Variants in APBA2 observed in about 807,000 individuals in gnomAD.
The protein encoded by APBA2 is amyloid-beta A4 precursor protein-binding family A member 2.
In APBA2, 30 loss-of-function variants were observed where a neutral mutation model predicts 75.0. The ratio of observed to expected loss-of-function variants is 0.40; its 90% CI spans 0.30 to 0.54. APBA2 has a LOEUF of 0.54. Among genes scored for constraint, APBA2 ranks in the 20% least tolerant of loss-of-function variants. The pLI is 0.49. For synonymous variants in APBA2, 444 were observed against 409.6 expected, an observed-to-expected ratio of 1.08 and a Z score of -1.01; for missense variants, 801 against 1,016.1, an observed-to-expected ratio of 0.79 and a Z score of 2.88.
chr15:28,939,560 C>CT lies in APBA2; in HGVS notation c.-95+17817dup, dbSNP rs1286467937. ...TTTGTTTTTCTTTTCTTTCTTCTTC[C>CT]TTTTTTAAATGGTACTATCCCAACA... On this transcript the variant is annotated intron_variant, in intron 2 of 14. Transcript: ENST00000683413. Among the ~76,000 whole-genome samples, 24 of 152,238 alleles carry CT rather than the reference C, an allele frequency of 1.6e-4. No homozygotes were observed. In the East Asian group the frequency reaches 3.3e-3, roughly 21 times the overall value.
intron 2 of APBA2, among the ~76,000 whole-genome samples, chr15:28,925,931 C>T (rs572356005): frequency 6.6e-6 from 1 of 152,108 alleles, no homozygotes; most frequent in African/African-American, 2.4e-5. Context: ...GTAATGTCGC[C>T]TCTTTATCCC....
intron 6 of APBA2, among the ~76,000 whole-genome samples, chr15:29,082,832 G>T (rs986783804): frequency 2.0e-5 from 3 of 152,060 alleles, no homozygotes; most frequent in Non-Finnish European, 4.4e-5. Context: ...AGGCCAAGGT[G>T]GGCAGGTCAC....
At chr15:28,967,754 A>G (rs573497921) in intron 2 of APBA2, among the ~76,000 whole-genome samples, 15 of 152,232 alleles carry the variant, frequency 9.9e-5, no homozygotes, top group African/African-American at 3.6e-4. Flanking sequence ...TTTATTTTTA[A>G]AATGTATTTT....
intron 2 of APBA2, among the ~76,000 whole-genome samples, chr15:28,952,224 G>A (rs1225262164): frequency 6.6e-6 from 1 of 152,024 alleles, no homozygotes; most frequent in Admixed American, 6.6e-5. Flanking sequence ...AAAAAGACTT[G>A]GAAGGCTTAA....
chr15:28,924,019 C>T (rs1191383896), intron 2 of APBA2, among the ~76,000 whole-genome samples: 2 of 152,178 alleles, frequency 1.3e-5, no homozygotes, highest in Non-Finnish European at 2.9e-5. Context: ...CCTCTAAAAG[C>T]CAGCGGTCAA....
intron 3 of APBA2, among the ~76,000 whole-genome samples, chr15:29,033,689 G>A (rs1013204546): frequency 6.6e-6 from 1 of 152,132 alleles, no homozygotes; most frequent in Non-Finnish European, 1.5e-5. Context: ...GGCTGGGCGC[G>A]GTGGCTCACG....
chr15:28,889,393 T>C (rs1238794166), intron 1 of APBA2, among the ~76,000 whole-genome samples: 2 of 152,248 alleles, frequency 1.3e-5, no homozygotes, highest in Non-Finnish European at 2.9e-5. Context: ...GGTTGGGGGC[T>C]GTGGGGTACT....
intron 1 of APBA2, among the ~76,000 whole-genome samples, chr15:28,903,893 G>C (rs928817365): frequency 2.0e-5 from 3 of 152,138 alleles, no homozygotes; most frequent in African/African-American, 7.2e-5. Flanking sequence ...ACTTGTCCCT[G>C]AGGAGGGACA....
chr15:29,016,575 A>G (rs2039673616), intron 3 of APBA2, among the ~76,000 whole-genome samples: 1 of 152,196 alleles, frequency 6.6e-6, no homozygotes. Context: ...CTGGATTATT[A>G]GGAGGGAAGG....
At chr15:28,893,479 A>G (rs1342947034) in intron 1 of APBA2, among the ~76,000 whole-genome samples, 6 of 152,172 alleles carry the variant, frequency 3.9e-5, no homozygotes, top group Non-Finnish European at 4.4e-5. Context: ...CCTGACTGCT[A>G]GATTCTGAGC....
chr15:29,086,176 G>A (rs909752156), intron 6 of APBA2, among the ~76,000 whole-genome samples: 4 of 152,190 alleles, frequency 2.6e-5, no homozygotes, highest in Non-Finnish European at 5.9e-5. Context: ...AGAGGCCCAC[G>A]TGGCACAGGA....
intron 4 of APBA2, among the ~76,000 whole-genome samples, chr15:29,061,186 G>C (rs1487261833): frequency 6.6e-6 from 1 of 152,174 alleles, no homozygotes; most frequent in Non-Finnish European, 1.5e-5. Context: ...GAACATAAAG[G>C]GTTTGGCGAG....
intron 13 of APBA2, among the ~76,000 whole-genome samples, chr15:29,109,400 C>T (rs1376678924): frequency 6.6e-6 from 1 of 152,094 alleles, no homozygotes; most frequent in African/African-American, 2.4e-5. Flanking sequence ...ATACTGAGAG[C>T]TTATTGCTTA....
intron 2 of APBA2, among the ~76,000 whole-genome samples, chr15:28,952,008 C>T (rs1025240630): frequency 6.6e-6 from 1 of 151,618 alleles, no homozygotes; most frequent in Non-Finnish European, 1.5e-5. Context: ...CTTGCCTCAG[C>T]CTCCTGAGTA....
intron 1 of APBA2, among the ~76,000 whole-genome samples, chr15:28,917,628 G>A (rs1488176468): frequency 6.6e-6 from 1 of 151,932 alleles, no homozygotes; most frequent in African/African-American, 2.4e-5. Context: ...CATTGGTGTG[G>A]TACATTCGTT....
rs1456280189 is a variant in APBA2, at chr15:29,078,946, A to G, written c.1069+2855A>G. Among the ~76,000 whole-genome samples, 7 of 152,180 alleles carry G rather than the reference A, an allele frequency of 4.6e-5. No individual in the cohort carries two copies. In the East Asian group the frequency reaches 1.3e-3, roughly 29 times the overall value. On this transcript the variant is annotated intron_variant, in intron 6 of 14. Transcript: ENST00000683413. Reference sequence around the variant, plus strand: ...CCTTTCATAGTGTGCTCCCTGGGTAACCTGAAAGGCAGCGTGTCAGCTGTG... The same window carrying G: ...CCTTTCATAGTGTGCTCCCTGGGTAGCCTGAAAGGCAGCGTGTCAGCTGTG...
intron 2 of APBA2, among the ~76,000 whole-genome samples, chr15:28,969,274 G>A (rs1002554601): frequency 1.2e-4 from 18 of 151,580 alleles, no homozygotes; most frequent in Non-Finnish European, 2.2e-4. Context: ...TCCGTCTCGC[G>A]GGCTCAAGCG....
At chr15:28,994,891 C>T (rs1365872968) in intron 2 of APBA2, among the ~76,000 whole-genome samples, 2 of 152,186 alleles carry the variant, frequency 1.3e-5, no homozygotes, top group African/African-American at 2.4e-5. Flanking sequence ...GTGAAGGGCT[C>T]GCAGCCTGGC....
chr15:29,038,165 C>T (rs1349764816), intron 3 of APBA2, among the ~76,000 whole-genome samples: 1 of 152,158 alleles, frequency 6.6e-6, no homozygotes, highest in Non-Finnish European at 1.5e-5. Context: ...TGTGCTTTGA[C>T]AACAACTTCT....
Sources: allele counts gnomAD v4.1 joint callset (sites outside exome capture counted in the v4.1 genomes callset), GRCh38; gene constraint gnomAD v4.1.1; transcripts MANE v1.5; gene names NCBI Gene and HGNC (gene_info 2026-07-23, HGNC 2026-07-21).